Variants in CLTB observed in about 807,000 individuals in gnomAD.
CLTB encodes the protein clathrin, light chain (Lcb).
CLTB carries 10 observed loss-of-function variants against 30.5 expected under a neutral mutation model. The observed-to-expected ratio is 0.33, with a 90% confidence interval of 0.20 to 0.56. CLTB has a LOEUF of 0.56. Among genes scored for constraint, CLTB ranks in the 20% least tolerant of loss-of-function variants. CLTB has a pLI of 0.91. For synonymous variants in CLTB, 102 were observed against 120.3 expected (o/e 0.85, Z 1.00); for missense variants, 261 against 308.3 (o/e 0.85, Z 1.15).
chr5:176,411,870 TC>T (rs1757439579), intron 1 of CLTB, among the ~76,000 whole-genome samples: 1 of 152,108 alleles, frequency 6.6e-6, no homozygotes, highest in South Asian at 2.1e-4. Flanking sequence ...TCTTCCTGCT[TC>T]CCTCTCTAAA....
Position 176,392,651 on chromosome 5 carries a change from G to A in CLTB, c.*123C>T. The A allele has an allele frequency of 8.6e-7, 1 of 1,158,658 alleles. No homozygotes were observed. The highest frequency in any genetic ancestry group is 1.2e-6 in the Non-Finnish European group (1 of 814,786). The allele number at this position is 1,158,658 out of a possible 1,614,324, so 71.8% of individuals were successfully genotyped here. Reference sequence around the variant, plus strand: ...GAGGGCCCCCCTCCCAGCGCCTGGAGATGGGGAGGAGTGGAATAGGCTGTG... The same window carrying A: ...GAGGGCCCCCCTCCCAGCGCCTGGAAATGGGGAGGAGTGGAATAGGCTGTG... On this transcript the variant is annotated 3_prime_UTR_variant, in exon 6 of 6. Transcript: ENST00000310418. This position sits in a 1 kb window ranked among gnomAD's most constrained non-coding sequence, Gnocchi z 5.2.
At chr5:176,410,206 T>C (rs374392707) in intron 2 of CLTB, 51 bp downstream of exon 2, 3 of 1,530,490 alleles carry the variant, frequency 2.0e-6, no homozygotes, top group African/African-American at 1.4e-5. Context: ...TTTAGGTTAC[T>C]GAGACCAGGG....
chr5:176,392,812 C>A lies in CLTB; in HGVS notation c.652G>T (p.Val218Leu), dbSNP rs1756318086. ...QCKDVSRLRS[V>L]LMSLKQTPLS... ...GGCGTCTGCTTCAGGGACATGAGCA[C>A]CGAGCGCAGGCGGGACACATCTTTG... The change falls in exon 6 of 6, where the codon GTG becomes TTG. Residue 218 changes from valine to leucine, a missense_variant. Physicochemically the swap from Val to Leu is conservative, Grantham distance 32. This residue lies in a region of CLTB where 25 missense variants were observed against 48.8 expected (regional missense o/e 0.51). Transcript: ENST00000310418. This position sits in a 1 kb window ranked among gnomAD's most constrained non-coding sequence, Gnocchi z 5.2. The A allele has an allele frequency of 6.2e-7, 1 of 1,614,236 alleles. No individual in the cohort carries two copies. Among genetic ancestry groups the A allele is most frequent in the South Asian group, 1.1e-5 (1 of 91,090 alleles).
rs908890564 is a variant in CLTB at position 176,393,554 on chromosome 5, C to T, written c.519-609G>A. On this transcript the variant is annotated intron_variant, in intron 5 of 5. Transcript: ENST00000310418. This position sits in a 1 kb window ranked among gnomAD's most constrained non-coding sequence, Gnocchi z 4.4. ...CTTTCATGTGCTGTGTGCGTCGTGA[C>T]CCTCCAAGGTGTGTATGTGATGGAA... Among the ~76,000 whole-genome samples the T allele has an allele frequency of 1.3e-5, 2 of 152,168 alleles. No individual in the cohort carries two copies. Among genetic ancestry groups the T allele is most frequent in the African/African-American group, 4.8e-5 (2 of 41,418 alleles).
At position 176,403,610 on chromosome 5, in the gene CLTB, C is replaced by A. The variant is rs868830740; in HGVS notation, c.235-5563G>T. Among the ~76,000 whole-genome samples, 4 of 151,904 alleles carry A rather than the reference C, an allele frequency of 2.6e-5. No individual in the cohort carries two copies. In the South Asian group the frequency reaches 8.3e-4, roughly 32 times the overall value. ...CTGAGATTACAGGCGCCCACGACCA[C>A]GCCTGGTTAATTTTTGTATTTTTAG... On this transcript the variant is annotated intron_variant, in intron 2 of 5. Coordinates refer to ENST00000310418, the MANE Select transcript of CLTB (RefSeq NM_007097.5).
In CLTB at chr5:176,392,887, C is replaced by G. The variant is rs747917807; in HGVS notation, c.577G>C (p.Glu193Gln). 6.2e-7 allele frequency: 1 copy of G among 1,614,228 alleles called. No individual in the cohort carries two copies. Among genetic ancestry groups the G allele is most frequent in the Admixed American group, 1.7e-5 (1 of 60,028 alleles). The part of the protein sequence containing the change: ...SKEETPGTEW[E>Q]KVAQLCDFNP... Reference sequence around the variant, plus strand: ...AAGTCACATAGCTGGGCCACCTTCTCCCACTCTGTGCCTGGGGTCTCCTCC... The same window carrying G: ...AAGTCACATAGCTGGGCCACCTTCTGCCACTCTGTGCCTGGGGTCTCCTCC... Residue 193 changes from glutamate (E) to glutamine (Q), a missense_variant, in exon 6 of 6, where the codon GAG becomes CAG. Physicochemically the swap from Glu to Gln is conservative, Grantham distance 29 (BLOSUM62 2). This residue lies in a region of CLTB where 123 missense variants were observed against 157.0 expected (regional missense o/e 0.78). Transcript: ENST00000310418. This position sits in a 1 kb window ranked among gnomAD's most constrained non-coding sequence, Gnocchi z 5.2.
intron 2 of CLTB, among the ~76,000 whole-genome samples, chr5:176,407,147 C>A (rs567847327): frequency 6.6e-6 from 1 of 152,178 alleles, no homozygotes; most frequent in Non-Finnish European, 1.5e-5. Flanking sequence ...AGCTCACCCA[C>A]GGCTGACAGG....
intron 2 of CLTB, chr5:176,401,666 G>A (rs545290121): frequency 5.3e-5 from 24 of 451,262 alleles, no homozygotes; most frequent in African/African-American, 8.0e-5. Flanking sequence ...TCCTGCAATC[G>A]TCACTCACTC....
chr5:176,397,582 C>A, intron 4 of CLTB, 25 bp downstream of exon 4: 1 of 1,549,972 alleles, frequency 6.5e-7, no homozygotes, highest in Non-Finnish European at 8.8e-7. Context: ...CCCATGGCCC[C>A]CTCATGTCCC....
chr5:176,400,925 C>T (rs1756785938), intron 2 of CLTB, among the ~76,000 whole-genome samples: 1 of 152,206 alleles, frequency 6.6e-6, no homozygotes, highest in Non-Finnish European at 1.5e-5. Context: ...ATAGATGGAA[C>T]ATCAGGGCTA....
chr5:176,402,547 C>T (rs916834205), intron 2 of CLTB, among the ~76,000 whole-genome samples: 8 of 150,790 alleles, frequency 5.3e-5, no homozygotes, highest in Non-Finnish European at 1.0e-4. Flanking sequence ...GAGGCCTTGG[C>T]TTGTTTACCT....
intron 1 of CLTB, 120 bp downstream of exon 1, chr5:176,416,057 G>T: frequency 1.1e-6 from 1 of 890,156 alleles, no homozygotes; most frequent in Non-Finnish European, 1.6e-6. Context: ...TCTTCCCCAC[G>T]TCTCCCAGCT....
Position 176,416,434 on chromosome 5 carries a change from C to G in CLTB, c.-71G>C, listed in dbSNP as rs1472817357. 6.2e-6 allele frequency: 8 copies of G among 1,298,010 alleles called. No individual in the cohort carries two copies. The Admixed American group carries it at 1.7e-4, about 28-fold the overall frequency. The allele number at this position is 1,298,010 out of a possible 1,614,324, so 80.4% of individuals were successfully genotyped here. A position where few individuals can be genotyped will look rare whatever the true frequency, so the allele number is the denominator to read the frequency against. On this transcript the variant is annotated 5_prime_UTR_variant, in exon 1 of 6. Coordinates refer to ENST00000310418, the MANE Select transcript of CLTB (RefSeq NM_007097.5). ...CGCGCCTGCCCCGCGCTGCGTCCGG[C>G]GGCCGCGACGCTGTCACCCGAGCCG...
At chr5:176,396,663 T>C (rs1756538775) in intron 4 of CLTB, 131 bp from the exon 5 acceptor site, 1 of 747,762 alleles carries the variant, frequency 1.3e-6, no homozygotes, top group Non-Finnish European at 2.4e-6. Flanking sequence ...TTAGGAAGCA[T>C]AGTTCTGGAA....
chr5:176,408,147 T>C (rs1369975047), intron 2 of CLTB, among the ~76,000 whole-genome samples: 2 of 151,848 alleles, frequency 1.3e-5, no homozygotes, highest in Non-Finnish European at 2.9e-5. Context: ...AATGGATTTG[T>C]GTGTATGCAA....
chr5:176,394,639 C>A (rs1043868036), intron 5 of CLTB, among the ~76,000 whole-genome samples: 3 of 129,350 alleles, frequency 2.3e-5, no homozygotes, highest in Non-Finnish European at 5.2e-5. Context: ...ACGGTGAAAC[C>A]CCGTCTCTAC....
chr5:176,404,374 C>T (rs1159337098), intron 2 of CLTB, among the ~76,000 whole-genome samples: 4 of 152,216 alleles, frequency 2.6e-5, no homozygotes, highest in African/African-American at 7.2e-5. Flanking sequence ...GAGAAGCGTC[C>T]GGGGCTGCAG....
chr5:176,397,268 C>T (rs756139328), intron 4 of CLTB, among the ~76,000 whole-genome samples: 41 of 152,180 alleles, frequency 2.7e-4, no homozygotes, highest in Non-Finnish European at 3.5e-4. Context: ...GCCTCAAAGG[C>T]AGGGAGCACT....
chr5:176,412,674 C>T (rs1258074187), intron 1 of CLTB, among the ~76,000 whole-genome samples: 4 of 152,128 alleles, frequency 2.6e-5, no homozygotes, highest in Non-Finnish European at 5.9e-5. Flanking sequence ...AAATAATCCC[C>T]GGGTGACATA....
Sources: allele counts gnomAD v4.1 joint callset (sites outside exome capture counted in the v4.1 genomes callset), GRCh38; gene constraint gnomAD v4.1.1; regional missense constraint gnomAD v4.1.1; non-coding constraint Gnocchi (gnomAD v3.1); transcripts MANE v1.5; gene names NCBI Gene and HGNC (gene_info 2026-07-23, HGNC 2026-07-21).